NRG1: variants seen among roughly 807,000 people sequenced by gnomAD.
NRG1 encodes the protein neuregulin 1.
A neutral mutation model predicts 63.8 loss-of-function variants in NRG1; 18 were observed. That is an observed-to-expected ratio of 0.28 (90% CI 0.19 to 0.42). NRG1 has a LOEUF of 0.42. NRG1 is among the 10% of genes least tolerant of loss of function. NRG1 has a pLI of 1.00. For synonymous variants in NRG1, 302 were observed against 301.3 expected, an observed-to-expected ratio of 1.00 and a Z score of -0.02; for missense variants, 762 against 814.7, an observed-to-expected ratio of 0.94 and a Z score of 0.79.
intron 1 of NRG1, among the ~76,000 whole-genome samples, chr8:32,406,738 C>T (rs945510192): frequency 6.6e-6 from 1 of 151,826 alleles, no homozygotes. Context: ...CAAGATCTGC[C>T]TTCATCTTCG....
intron 1 of NRG1, among the ~76,000 whole-genome samples, chr8:31,907,429 C>A (rs547612051): frequency 5.3e-5 from 8 of 150,884 alleles, no homozygotes; most frequent in African/African-American, 1.2e-4. Context: ...TTTTACAAAT[C>A]CTAAGCAAAG....
intron 1 of NRG1, among the ~76,000 whole-genome samples, chr8:31,783,230 C>T (rs1394482201): frequency 6.6e-6 from 1 of 152,148 alleles, no homozygotes; most frequent in African/African-American, 2.4e-5. Flanking sequence ...AGGTATCAAA[C>T]CAAAACACAT....
chr8:31,724,733 A>G (rs971695941), intron 1 of NRG1, among the ~76,000 whole-genome samples: 5 of 152,162 alleles, frequency 3.3e-5, no homozygotes, highest in Admixed American at 6.6e-5. Context: ...CACACTGGCT[A>G]TATGAGACCT....
intron 1 of NRG1, among the ~76,000 whole-genome samples, chr8:31,661,622 AG>A (rs1290109221): frequency 6.6e-6 from 1 of 152,256 alleles, no homozygotes; most frequent in East Asian, 1.9e-4. Flanking sequence ...ATAATTAACC[AG>A]TTGTGTCATT....
chr8:32,287,719 A>G (rs1011393649), intron 1 of NRG1, among the ~76,000 whole-genome samples: 9 of 152,196 alleles, frequency 5.9e-5, no homozygotes, highest in Non-Finnish European at 8.8e-5. Flanking sequence ...TCAGTCAGAA[A>G]AGAAATTTTT....
At chr8:31,793,987 T>G (rs1389652802) in intron 1 of NRG1, among the ~76,000 whole-genome samples, 1 of 152,162 alleles carries the variant, frequency 6.6e-6, no homozygotes, top group East Asian at 1.9e-4. Flanking sequence ...TCTCTTCTCT[T>G]AACTTTATGT....
At chr8:32,671,889 A>G (rs1589118873) in intron 5 of NRG1, among the ~76,000 whole-genome samples, 1 of 152,302 alleles carries the variant, frequency 6.6e-6, no homozygotes, top group East Asian at 1.9e-4. Flanking sequence ...AGTGAAAAGA[A>G]AAAGTCTTCA....
intron 1 of NRG1, among the ~76,000 whole-genome samples, chr8:31,766,395 G>A (rs1379578720): frequency 6.6e-6 from 1 of 152,092 alleles, no homozygotes; most frequent in African/African-American, 2.4e-5. Context: ...GACTTCTTTG[G>A]AAAGAGAAAA....
intron 5 of NRG1, among the ~76,000 whole-genome samples, chr8:32,681,343 G>T (rs569207650): frequency 6.6e-6 from 1 of 152,240 alleles, no homozygotes; most frequent in Admixed American, 6.5e-5. Context: ...TATCATCAGT[G>T]AGCCTTTTTC....
intron 1 of NRG1, among the ~76,000 whole-genome samples, chr8:31,966,170 A>G (rs946856114): frequency 2.0e-5 from 3 of 152,148 alleles, no homozygotes; most frequent in African/African-American, 7.2e-5. Flanking sequence ...GACCATAACT[A>G]GGAAGAAAAG....
Position 31,844,894 on chromosome 8 carries a change from G to C in NRG1, c.37+205463G>C, listed in dbSNP as rs547026155. 2.0e-5 allele frequency among the ~76,000 whole-genome samples: 3 copies of C among 152,076 alleles called. No homozygotes were observed. In the East Asian group the frequency reaches 5.8e-4, roughly 29 times the overall value. ...CCCAGCACTTTGGGAGGATCATGAG[G>C]TCAGAAGTTCAAGACCAGCCTGGCC... On this transcript the variant is annotated intron_variant, in intron 1 of 10. Transcript: ENST00000519301.
chr8:32,573,331 C>T (rs2466095), intron 1 of NRG1, among the ~76,000 whole-genome samples: 82,648 of 152,070 alleles, frequency 0.54, 22,751 homozygotes, highest in East Asian at 0.83. Flanking sequence ...AAAGTAGCCA[C>T]AGACAATTTA....
At chr8:32,397,524 C>CAAAAAAAA (rs58798252) in intron 1 of NRG1, among the ~76,000 whole-genome samples, 1 of 139,270 alleles carries the variant, frequency 7.2e-6, no homozygotes, top group African/African-American at 2.6e-5. Flanking sequence ...GACTTAACAT[C>CAAAAAAAA]AAAAAAAAAA....
chr8:32,066,525 C>G (rs75268023), intron 1 of NRG1, among the ~76,000 whole-genome samples: 24 of 151,548 alleles, frequency 1.6e-4, no homozygotes, highest in Non-Finnish European at 2.7e-4. Flanking sequence ...TCTGAGGGCT[C>G]TGTTCTGTTC....
At chr8:31,990,662 TAG>T (rs1810907316) in intron 1 of NRG1, among the ~76,000 whole-genome samples, 1 of 152,126 alleles carries the variant, frequency 6.6e-6, no homozygotes, top group Non-Finnish European at 1.5e-5. Flanking sequence ...CATTTTGTGG[TAG>T]ACACTTTTCC....
intron 1 of NRG1, among the ~76,000 whole-genome samples, chr8:31,942,553 TAA>T (rs1801905753): frequency 6.6e-6 from 1 of 151,858 alleles, no homozygotes; most frequent in South Asian, 2.1e-4. Context: ...CTAATGAAAC[TAA>T]AAAGTTTCTG....
At chr8:32,058,167 C>CA (rs1456284164) in intron 1 of NRG1, among the ~76,000 whole-genome samples, 1 of 151,896 alleles carries the variant, frequency 6.6e-6, no homozygotes, top group African/African-American at 2.4e-5. Context: ...CAGTGAAGGA[C>CA]CATACTTAAA....
At chr8:31,711,839 C>T (rs545296369) in intron 1 of NRG1, among the ~76,000 whole-genome samples, 15 of 152,146 alleles carry the variant, frequency 9.9e-5, no homozygotes, top group South Asian at 2.1e-4. Flanking sequence ...TGTATCCTCA[C>T]GTAATGGAAG....
At chr8:32,743,082 C>T in intron 7 of NRG1, 1 of 1,079,076 alleles carries the variant, frequency 9.3e-7, no homozygotes, top group Non-Finnish European at 1.1e-6. Flanking sequence ...AAAAATCATT[C>T]TACTGAACAG....
Sources: allele counts gnomAD v4.1 joint callset (sites outside exome capture counted in the v4.1 genomes callset), GRCh38; gene constraint gnomAD v4.1.1; transcripts MANE v1.5; gene names NCBI Gene and HGNC (gene_info 2026-07-23, HGNC 2026-07-21).